The following CDKN2B-AS1 variants were observed in gnomAD, a reference collection of about 807,000 sequenced individuals.
CDKN2B-AS1 encodes CDKN2B and CDKN2A antisense cis and trans regulatory RNA 1.
At chr9:22,015,848 A>T (rs1356098633) in intron 1 of CDKN2B-AS1, among the ~76,000 whole-genome samples, 1 of 152,088 alleles carries the variant, frequency 6.6e-6, no homozygotes, top group African/African-American at 2.4e-5. Flanking sequence ...ATGGCCAGTG[A>T]TGATGAGCAT....
chr9:22,047,810 A>G (rs2131275522), intron 2 of CDKN2B-AS1, among the ~76,000 whole-genome samples: 1 of 150,758 alleles, frequency 6.6e-6, no homozygotes, highest in South Asian at 2.1e-4. Flanking sequence ...TTTTTTAGAC[A>G]GGGAATCATT....
At chr9:22,068,278 A>G (rs901552891) in intron 4 of CDKN2B-AS1, among the ~76,000 whole-genome samples, 2 of 152,224 alleles carry the variant, frequency 1.3e-5, no homozygotes, top group Admixed American at 1.3e-4. Flanking sequence ...GGACTTTACA[A>G]TCAATCTGGG....
chr9:22,042,642 G>A (rs1413718276), intron 1 of CDKN2B-AS1, among the ~76,000 whole-genome samples: 2 of 152,084 alleles, frequency 1.3e-5, no homozygotes, highest in Admixed American at 1.3e-4. Flanking sequence ...CTCCATTCAT[G>A]CTGTCTTTGG....
chr9:22,064,431 G>T (rs1554673045), intron 4 of CDKN2B-AS1, among the ~76,000 whole-genome samples: 1 of 152,092 alleles, frequency 6.6e-6, no homozygotes, highest in Non-Finnish European at 1.5e-5. Flanking sequence ...AAGGAAGAAG[G>T]TTTCAGAAGG....
chr9:22,107,996 T>G (rs1357770763), intron 4 of CDKN2B-AS1, among the ~76,000 whole-genome samples: 2 of 152,206 alleles, frequency 1.3e-5, no homozygotes, highest in African/African-American at 4.8e-5. Context: ...GAACCCAACA[T>G]ACAACCCCAA....
chr9:22,029,749 T>A, intron 1 of CDKN2B-AS1: 1 of 389,638 alleles, frequency 2.6e-6, no homozygotes, highest in Non-Finnish European at 4.5e-6. Context: ...CATTTTCATG[T>A]GTTTATTCTG....
Position 22,001,795 on chromosome 9 carries a change from G to A in CDKN2B-AS1, n.29+6634G>A, listed in dbSNP as rs1056782376. Among the ~76,000 whole-genome samples, 2 of 152,034 alleles carry A rather than the reference G, an allele frequency of 1.3e-5. No individual in the cohort carries two copies. The highest frequency in any genetic ancestry group is 2.9e-5 in the Non-Finnish European group (2 of 67,906). On this transcript the variant is annotated intron_variant and non_coding_transcript_variant, in intron 1 of 4. Transcript: ENST00000650946. This position sits in a 1 kb window ranked among gnomAD's most constrained non-coding sequence, Gnocchi z 4.2. ...AGAAACGTTTTATAGAAACTTTTCAGGTATGAAGGATAGTAGTAGAGATGT... is the reference window on the plus strand; with the variant it reads ...AGAAACGTTTTATAGAAACTTTTCAAGTATGAAGGATAGTAGTAGAGATGT...
intron 4 of CDKN2B-AS1, among the ~76,000 whole-genome samples, chr9:22,077,221 T>C (rs1380384722): frequency 2.0e-5 from 3 of 152,150 alleles, no homozygotes; most frequent in Admixed American, 1.3e-4. Context: ...CATATTTTAC[T>C]TAATATAATT....
intron 4 of CDKN2B-AS1, among the ~76,000 whole-genome samples, chr9:22,115,988 G>C (rs1825939543): frequency 6.6e-6 from 1 of 152,108 alleles, no homozygotes; most frequent in Middle Eastern, 3.2e-3. Flanking sequence ...ACTATTTTCA[G>C]CTATTAGTTA....
At chr9:22,094,328 G>A (rs1245095998) in intron 4 of CDKN2B-AS1, among the ~76,000 whole-genome samples, 1 of 143,312 alleles carries the variant, frequency 7.0e-6, no homozygotes, top group Non-Finnish European at 1.5e-5. Context: ...GTATCTTTGT[G>A]GCATTCTCTG....
chr9:22,103,165 G>C (rs1008667817), intron 4 of CDKN2B-AS1, among the ~76,000 whole-genome samples: 2 of 145,526 alleles, frequency 1.4e-5, no homozygotes. Flanking sequence ...GTGTGTGTGT[G>C]TGTGTGTGTG....
intron 4 of CDKN2B-AS1, among the ~76,000 whole-genome samples, chr9:22,073,743 AT>A (rs1171500032): frequency 1.3e-5 from 2 of 152,172 alleles, no homozygotes; most frequent in Non-Finnish European, 2.9e-5. Flanking sequence ...GTTTAGATTT[AT>A]TTTTAAAACC....
intron 1 of CDKN2B-AS1, among the ~76,000 whole-genome samples, chr9:22,041,093 G>T (rs1168373026): frequency 1.3e-5 from 2 of 151,930 alleles, no homozygotes. Flanking sequence ...AAATTTCCAT[G>T]AAAACAGAAA....
At chr9:22,094,226 C>T (rs1825197708) in intron 4 of CDKN2B-AS1, among the ~76,000 whole-genome samples, 1 of 143,636 alleles carries the variant, frequency 7.0e-6, no homozygotes, top group Non-Finnish European at 1.5e-5. Context: ...GGTAACCCGA[C>T]CTTTCTCTCT....
chr9:22,029,750 G>A, intron 1 of CDKN2B-AS1: 3 of 385,794 alleles, frequency 7.8e-6, no homozygotes, highest in Middle Eastern at 1.3e-3. Flanking sequence ...ATTTTCATGT[G>A]TTTATTCTGA....
chr9:22,070,849 A>G (rs1824257943), intron 4 of CDKN2B-AS1, among the ~76,000 whole-genome samples: 1 of 152,172 alleles, frequency 6.6e-6, no homozygotes, highest in Non-Finnish European at 1.5e-5. Flanking sequence ...AATGTAAGTG[A>G]CCTAAGAGGC....
At chr9:22,120,585 A>C (rs1472043544) in intron 4 of CDKN2B-AS1, 3 of 152,178 alleles carry the variant, frequency 2.0e-5, no homozygotes, top group African/African-American at 7.2e-5. Context: ...CAGGACTGGA[A>C]CCTATATCTC....
chr9:22,125,135 A>G (rs556724005), intron 4 of CDKN2B-AS1, among the ~76,000 whole-genome samples: 1 of 152,362 alleles, frequency 6.6e-6, no homozygotes, highest in Admixed American at 6.5e-5. Context: ...TTGCTTGATA[A>G]CCAATTTTAT....
intron 1 of CDKN2B-AS1, among the ~76,000 whole-genome samples, chr9:22,017,733 T>C (rs1160760952): frequency 6.6e-6 from 1 of 152,226 alleles, no homozygotes; most frequent in African/African-American, 2.4e-5. Context: ...AAGGTATTGG[T>C]ATATATTTGT....
Sources: gnomAD v4.1 joint callset for allele counts (sites outside exome capture counted in the v4.1 genomes callset) on GRCh38, gnomAD v4.1.1 for gene constraint, Gnocchi (gnomAD v3.1) non-coding constraint, MANE v1.5 for transcripts, NCBI Gene and HGNC (gene_info 2026-07-23, HGNC 2026-07-21) for gene names.